ITGB5: variants seen among roughly 807,000 people sequenced by gnomAD.
The protein encoded by ITGB5 is integrin subunit beta 5.
ITGB5 carries 38 observed loss-of-function variants against 84.8 expected under a neutral mutation model. That is an observed-to-expected ratio of 0.45 (90% CI 0.35 to 0.59). ITGB5 has a LOEUF of 0.59. Among genes scored for constraint, ITGB5 ranks in the 20% least tolerant of loss-of-function variants. The probability of loss-of-function intolerance (pLI) is 0.01; values close to 1 mark genes in which losing one functional copy is unlikely to be tolerated. For missense variants in ITGB5, 905 were observed against 1,034.5 expected (o/e 0.87, Z 1.72); for synonymous variants, 393 against 414.4 (o/e 0.95, Z 0.63).
At chr3:124,859,796 T>C (rs145927866) in intron 2 of ITGB5, among the ~76,000 whole-genome samples, 1,862 of 152,300 alleles carry the variant, frequency 0.012, 20 homozygotes, top group Non-Finnish European at 0.021. Context: ...AAAGTTGTTA[T>C]ATATTGCTGG....
chr3:124,776,683 C>T (rs563277183), intron 10 of ITGB5, among the ~76,000 whole-genome samples: 9 of 152,342 alleles, frequency 5.9e-5, no homozygotes, highest in African/African-American at 2.2e-4. Context: ...GTCCATCACA[C>T]GATCCCCACA....
intron 10 of ITGB5, among the ~76,000 whole-genome samples, chr3:124,779,906 T>C (rs1027065199): frequency 6.6e-6 from 1 of 152,126 alleles, no homozygotes; most frequent in African/African-American, 2.4e-5. Flanking sequence ...TTAAAGGGCC[T>C]CATGAGGTGA....
Position 124,764,447 on chromosome 3 carries a change from C to G in ITGB5, c.2248G>C (p.Asp750His). 6.2e-7 allele frequency: 1 copy of G among 1,614,034 alleles called. No homozygotes were observed. Among genetic ancestry groups the G allele is most frequent in the East Asian group, 2.2e-5 (1 of 44,874 alleles). The change falls in exon 14 of 15, where the codon GAC (aspartate) becomes CAC (histidine). Residue 750 changes from aspartate to histidine, a missense_variant. Asp to His is a moderately conservative substitution (Grantham distance 81, BLOSUM62 -1). Transcript: ENST00000296181. ...TGAAACTTTGCAAACTCCCTCCGGT[C>G]GTGGATGGTGACAAGCAGCTTCCAG... ...AIWKLLVTIH[D>H]RREFAKFQSE...
At chr3:124,841,678 C>A in intron 4 of ITGB5, 127 bp from the exon 5 acceptor site, 2 of 791,074 alleles carry the variant, frequency 2.5e-6, no homozygotes, top group East Asian at 2.6e-5. Context: ...ACCACATGCC[C>A]CAGGACAGGC....
At chr3:124,794,695 T>C (rs1298583880) in intron 10 of ITGB5, among the ~76,000 whole-genome samples, 2 of 150,726 alleles carry the variant, frequency 1.3e-5, no homozygotes, top group Admixed American at 1.3e-4. Flanking sequence ...GACAGGAGAA[T>C]CACTTGAACC....
chr3:124,800,973 C>T (rs1365725890), intron 9 of ITGB5, among the ~76,000 whole-genome samples: 2 of 152,206 alleles, frequency 1.3e-5, no homozygotes, highest in African/African-American at 4.8e-5. Flanking sequence ...TCCTGGTTCC[C>T]CTGTGGAGCT....
At chr3:124,769,305 GC>G (rs1477392254) in intron 11 of ITGB5, 192 bp from the exon 12 acceptor site, 3 of 559,998 alleles carry the variant, frequency 5.4e-6, no homozygotes, top group Admixed American at 3.2e-5. Flanking sequence ...TCTTGGAGGA[GC>G]CTGTGTGAGT....
rs1165654588 is a variant in ITGB5 at position 124,763,312 on chromosome 3, A to T, written c.*311T>A. ...GGCCCAGCATTCCTGGAAGGGAGAGACAGCCCAGCATCTCAGTATTTCATT... is the reference window on the plus strand; with the variant it reads ...GGCCCAGCATTCCTGGAAGGGAGAGTCAGCCCAGCATCTCAGTATTTCATT... On this transcript the variant is annotated 3_prime_UTR_variant, in exon 15 of 15. Transcript: ENST00000296181. The T allele has an allele frequency of 4.4e-6, 1 of 228,734 alleles. No individual in the cohort carries two copies. The highest frequency in any genetic ancestry group is 8.6e-6 in the Non-Finnish European group (1 of 115,798). 14.2% of individuals were successfully genotyped at this position (228,734 alleles called of 1,614,324 possible).
At chr3:124,889,076 C>T (rs1934935768), upstream of ITGB5, among the ~76,000 whole-genome samples, 1 of 152,184 alleles carries the variant, frequency 6.6e-6, no homozygotes, top group African/African-American at 2.4e-5. Context: ...AAACCTGCCT[C>T]CCATTTTATG....
At chr3:124,845,264 C>T (rs1429995108) in intron 4 of ITGB5, among the ~76,000 whole-genome samples, 1 of 152,242 alleles carries the variant, frequency 6.6e-6, no homozygotes, top group Non-Finnish European at 1.5e-5. Context: ...GAAACCCCAT[C>T]TCTACTAAAA....
At chr3:124,861,493 T>TACACAC (rs1397985645) in intron 2 of ITGB5, among the ~76,000 whole-genome samples, 172 of 84,932 alleles carry the variant, frequency 2.0e-3, no homozygotes, top group East Asian at 5.7e-3. Flanking sequence ...TATATATATA[T>TACACAC]ATACACACAC....
At chr3:124,893,295 C>T (rs1261250864) in intron 1 of ITGB5, among the ~76,000 whole-genome samples, 4 of 152,090 alleles carry the variant, frequency 2.6e-5, no homozygotes, top group Non-Finnish European at 5.9e-5. Context: ...GTAATCCTAG[C>T]TACTCAGGAG....
intron 8 of ITGB5, among the ~76,000 whole-genome samples, chr3:124,810,787 G>A (rs868475205): frequency 1.3e-5 from 2 of 152,080 alleles, no homozygotes; most frequent in African/African-American, 4.8e-5. Flanking sequence ...ACCCATATGA[G>A]AGACAAGGAC....
chr3:124,815,422 C>G (rs1456820140), intron 8 of ITGB5, among the ~76,000 whole-genome samples: 1 of 152,226 alleles, frequency 6.6e-6, no homozygotes, highest in Non-Finnish European at 1.5e-5. Context: ...TCCGCAGAAG[C>G]CTTAAAGAGG....
intron 11 of ITGB5, among the ~76,000 whole-genome samples, chr3:124,772,401 C>T (rs756271393): frequency 3.3e-5 from 5 of 152,278 alleles, no homozygotes; most frequent in Admixed American, 1.3e-4. Flanking sequence ...AGAACGTTTC[C>T]GAGCACAGAC....
chr3:124,809,741 C>A (rs1359227609), intron 8 of ITGB5, among the ~76,000 whole-genome samples: 2 of 152,168 alleles, frequency 1.3e-5, no homozygotes, highest in Non-Finnish European at 2.9e-5. Flanking sequence ...AGACTCCAAT[C>A]TTATGTGTGG....
chr3:124,796,626 G>A lies in ITGB5; in HGVS notation c.1455C>T (p.Gly485=). The part of the protein sequence containing the change: ...RCNGSGTYVC[G]LCECSPGYLG... ...GGTAGCCGGGGCTGCACTCACACAGGCCGCAGACATAGGTCCCGCTCCCGT... is the reference window on the plus strand; with the variant it reads ...GGTAGCCGGGGCTGCACTCACACAGACCGCAGACATAGGTCCCGCTCCCGT... Residue 485 remains glycine (G), a synonymous_variant, in exon 10 of 15, where the codon GGC becomes GGT. Transcript: ENST00000296181. 1.2e-6 allele frequency: 2 copies of A among 1,614,024 alleles called. No individual in the cohort carries two copies. Among genetic ancestry groups the A allele is most frequent in the Non-Finnish European group, 1.7e-6 (2 of 1,179,982 alleles).
rs1050822035 is a variant in ITGB5, at chr3:124,845,406, G to A, written c.611+2903C>T. ...GCCTGGACGTGGGGAGACAAAGCTC[G>A]GCCTGCTCACCAAGCCACAGTGTGC... is the stretch of plus-strand genomic sequence containing the variant. On this transcript the variant is annotated intron_variant, in intron 4 of 14. Transcript: ENST00000296181. Among the ~76,000 whole-genome samples the A allele has an allele frequency of 4.6e-5, 7 of 152,218 alleles. No individual in the cohort carries two copies. In the South Asian group the frequency reaches 6.2e-4, roughly 14 times the overall value.
intron 1 of ITGB5, 80 bp from the exon 2 acceptor site, chr3:124,873,611 C>T (rs1182525082): frequency 3.7e-6 from 4 of 1,069,762 alleles, no homozygotes; most frequent in Non-Finnish European, 4.4e-6. Context: ...GGGGGAATTA[C>T]ATCCTTCTTT....
Sources: allele counts gnomAD v4.1 joint callset (sites outside exome capture counted in the v4.1 genomes callset), GRCh38; gene constraint gnomAD v4.1.1; transcripts MANE v1.5; gene names NCBI Gene and HGNC (gene_info 2026-07-23, HGNC 2026-07-21).